TMEM178B: variants seen among roughly 807,000 people sequenced by gnomAD.
The protein encoded by TMEM178B is transmembrane protein 178B.
A neutral mutation model predicts 31.0 loss-of-function variants in TMEM178B; 5 were observed. The observed-to-expected ratio is 0.16, with a 90% confidence interval of 0.08 to 0.34. The LOEUF (loss-of-function observed/expected upper bound fraction) is 0.34, where lower values mean the gene tolerates loss of function less well. Ranked by LOEUF, TMEM178B falls within the 10% of genes least tolerant of loss-of-function variation. The pLI is 1.00. For synonymous variants in TMEM178B, 164 were observed against 164.0 expected, an observed-to-expected ratio of 1.00 and a Z score of 0.00; for missense variants, 275 against 400.3, an observed-to-expected ratio of 0.69 and a Z score of 2.67.
At chr7:141,367,087 G>A (rs1201829759) in intron 2 of TMEM178B, among the ~76,000 whole-genome samples, 4 of 150,538 alleles carry the variant, frequency 2.7e-5, no homozygotes, top group Admixed American at 1.3e-4. Flanking sequence ...TGACAGCAGG[G>A]GGGAGGGGTG....
intron 2 of TMEM178B, among the ~76,000 whole-genome samples, chr7:141,326,400 T>C (rs10952499): frequency 0.51 from 77,088 of 152,004 alleles, 20,809 homozygotes; most frequent in African/African-American, 0.7. Flanking sequence ...TGTATCTTAT[T>C]ACTCATGATA....
At chr7:141,253,544 CT>C (rs34199017) in intron 2 of TMEM178B, among the ~76,000 whole-genome samples, 82 of 70,044 alleles carry the variant, frequency 1.2e-3, no homozygotes, top group African/African-American at 3.2e-3. Context: ...ATTTTCCCTT[CT>C]TTTTTTTTTT....
At chr7:141,447,269 C>T (rs1027584956) in intron 3 of TMEM178B, among the ~76,000 whole-genome samples, 2 of 151,908 alleles carry the variant, frequency 1.3e-5, no homozygotes, top group Admixed American at 6.6e-5. Context: ...TTAGAGAGGG[C>T]TTGGAGGGCC....
chr7:141,344,671 G>A lies in TMEM178B; in HGVS notation c.497-92937G>A, dbSNP rs1407715364. ...TCATCAAAAGACCTCTCAGAGGGAGGAACAAAGTATAAAACAATAAAGATG... is the reference window on the plus strand; with the variant it reads ...TCATCAAAAGACCTCTCAGAGGGAGAAACAAAGTATAAAACAATAAAGATG... On this transcript the variant is annotated intron_variant, in intron 2 of 3. Transcript: ENST00000565468. The surrounding 1 kb of genome is among the most constrained non-coding windows in gnomAD (Gnocchi z 4.1). 6.8e-6 allele frequency among the ~76,000 whole-genome samples: 1 copy of A among 147,238 alleles called. No individual in the cohort carries two copies. The highest frequency in any genetic ancestry group is 1.5e-5 in the Non-Finnish European group (1 of 67,170).
chr7:141,391,451 C>T (rs1235550572), intron 2 of TMEM178B, among the ~76,000 whole-genome samples: 1 of 152,202 alleles, frequency 6.6e-6, no homozygotes, highest in African/African-American at 2.4e-5. Flanking sequence ...TGAGCCACCA[C>T]ATCCGGCCTC....
the TMEM178B span, among the ~76,000 whole-genome samples, chr7:141,507,213 G>T: frequency 6.6e-6 from 1 of 152,176 alleles, no homozygotes; most frequent in African/African-American, 2.4e-5. Flanking sequence ...GCTCCACTAG[G>T]TGGTACCCCA....
chr7:141,224,877 C>G (rs773512523), intron 2 of TMEM178B, among the ~76,000 whole-genome samples: 1 of 152,154 alleles, frequency 6.6e-6, no homozygotes, highest in African/African-American at 2.4e-5. Flanking sequence ...TCTTTACACT[C>G]CCACATTGGG....
intron 1 of TMEM178B, among the ~76,000 whole-genome samples, chr7:141,105,093 G>A (rs914861650): frequency 2.6e-5 from 4 of 152,160 alleles, no homozygotes; most frequent in Admixed American, 2.6e-4. Flanking sequence ...CATGATGGAC[G>A]TGTGAGGTGG....
intron 1 of TMEM178B, among the ~76,000 whole-genome samples, chr7:141,085,150 ATTT>A (rs61516388): frequency 0.016 from 1,205 of 74,508 alleles, 9 homozygotes; most frequent in Middle Eastern, 0.025. Flanking sequence ...GCTAATTTGT[ATTT>A]TTTTTTTTTT....
chr7:141,442,332 C>T (rs1181753), intron 3 of TMEM178B, among the ~76,000 whole-genome samples: 37,727 of 151,990 alleles, frequency 0.25, 5,591 homozygotes, highest in East Asian at 0.58. Context: ...CCTCTCTAAA[C>T]GCCCTGACTC....
chr7:141,350,855 A>T (rs555659623), intron 2 of TMEM178B, among the ~76,000 whole-genome samples: 1 of 152,338 alleles, frequency 6.6e-6, no homozygotes, highest in South Asian at 2.1e-4. Context: ...AAGCAGCAAT[A>T]CTTAGTAACA....
intron 2 of TMEM178B, among the ~76,000 whole-genome samples, chr7:141,382,444 G>A (rs1800335470): frequency 6.6e-6 from 1 of 152,132 alleles, no homozygotes; most frequent in Admixed American, 6.5e-5. Context: ...AATATTGCTT[G>A]TTATTTTAAG....
intron 1 of TMEM178B, among the ~76,000 whole-genome samples, chr7:141,187,089 C>T (rs377753429): frequency 9.8e-6 from 1 of 102,312 alleles, no homozygotes; most frequent in Admixed American, 1.3e-4. Context: ...TATCCCTCCC[C>T]CCTCCCCCCA....
intron 1 of TMEM178B, among the ~76,000 whole-genome samples, chr7:141,100,459 A>G (rs1386406807): frequency 6.6e-6 from 1 of 152,188 alleles, no homozygotes; most frequent in Non-Finnish European, 1.5e-5. Context: ...TGGAGTAGAT[A>G]GCATGCTGTA....
intron 2 of TMEM178B, among the ~76,000 whole-genome samples, chr7:141,356,439 T>C (rs774165838): frequency 1.3e-5 from 2 of 152,074 alleles, no homozygotes; most frequent in Non-Finnish European, 2.9e-5. Flanking sequence ...GTTATCTCAT[T>C]GTGGTTTTGA....
intron 2 of TMEM178B, among the ~76,000 whole-genome samples, chr7:141,331,292 A>C (rs1799295678): frequency 6.6e-6 from 1 of 152,206 alleles, no homozygotes; most frequent in Non-Finnish European, 1.5e-5. Flanking sequence ...TATTGGACTG[A>C]ATCCTGGGCA....
intron 2 of TMEM178B, among the ~76,000 whole-genome samples, chr7:141,389,154 A>T (rs1458014467): frequency 6.6e-6 from 1 of 152,328 alleles, no homozygotes; most frequent in Admixed American, 6.5e-5. Flanking sequence ...ATGCCAGCAA[A>T]TTCATCACTT....
chr7:141,448,615 C>T lies in TMEM178B; in HGVS notation c.634+10870C>T, dbSNP rs117781553. On this transcript the variant is annotated intron_variant, in intron 3 of 3. Transcript: ENST00000565468. ...GCCATGTTCCTGTAGACAGTAAGGTCAGGCTTTGGTTCTCAGTGTCCAGAC... is the reference window on the plus strand; with the variant it reads ...GCCATGTTCCTGTAGACAGTAAGGTTAGGCTTTGGTTCTCAGTGTCCAGAC... Among the ~76,000 whole-genome samples, 839 of 152,250 alleles carry T rather than the reference C, an allele frequency of 5.5e-3. 1 individual carries two copies. Among genetic ancestry groups the T allele is most frequent in the Non-Finnish European group, 8.6e-3 (583 of 68,008 alleles).
chr7:141,299,416 G>A (rs1330407620), intron 2 of TMEM178B, among the ~76,000 whole-genome samples: 1 of 152,058 alleles, frequency 6.6e-6, no homozygotes, highest in African/African-American at 2.4e-5. Flanking sequence ...TCCAATCCAC[G>A]AGCAGGTTCC....
Sources: allele counts gnomAD v4.1 joint callset (sites outside exome capture counted in the v4.1 genomes callset), GRCh38; gene constraint gnomAD v4.1.1; non-coding constraint Gnocchi (gnomAD v3.1); transcripts MANE v1.5; gene names NCBI Gene and HGNC (gene_info 2026-07-23, HGNC 2026-07-21).